Variants in PIP5K1B observed in about 807,000 individuals in gnomAD.
PIP5K1B encodes phosphatidylinositol 4-phosphate 5-kinase type-1 beta.
In PIP5K1B, 42 loss-of-function variants were observed where a neutral mutation model predicts 67.0. That is an observed-to-expected ratio of 0.63 (90% confidence interval 0.49 to 0.81). PIP5K1B has a LOEUF of 0.81. Among genes scored for constraint, PIP5K1B ranks in the 30% least tolerant of loss-of-function variants. The probability of loss-of-function intolerance (pLI) is 0.00; values close to 1 mark genes in which losing one functional copy is unlikely to be tolerated. For missense variants in PIP5K1B, 459 were observed against 646.3 expected (o/e 0.71, Z 3.14); for synonymous variants, 214 against 231.4 (o/e 0.92, Z 0.68).
chr9:68,815,629 C>T (rs950594843), intron 2 of PIP5K1B, among the ~76,000 whole-genome samples: 3 of 151,666 alleles, frequency 2.0e-5, no homozygotes, highest in African/African-American at 4.8e-5. Context: ...TTATAAATCC[C>T]GAGAGGAGTT....
At chr9:68,949,082 G>T (rs1470266220) in intron 14 of PIP5K1B, among the ~76,000 whole-genome samples, 1 of 150,448 alleles carries the variant, frequency 6.6e-6, no homozygotes, top group African/African-American at 2.4e-5. Context: ...GCCAATTTTT[G>T]AATATTTTAA....
At chr9:68,856,616 C>T (rs1822792302) in intron 4 of PIP5K1B, among the ~76,000 whole-genome samples, 1 of 152,176 alleles carries the variant, frequency 6.6e-6, no homozygotes, top group South Asian at 2.1e-4. Flanking sequence ...CTCTTTCCCC[C>T]ACTAGACTAG....
chr9:68,925,028 A>C (rs576724297), intron 12 of PIP5K1B, among the ~76,000 whole-genome samples: 1 of 152,280 alleles, frequency 6.6e-6, no homozygotes, highest in East Asian at 1.9e-4. Flanking sequence ...TATAACATGA[A>C]TAGTTTATAA....
At chr9:68,945,442 AGCCAATGG>A (rs1316891477) in intron 14 of PIP5K1B, among the ~76,000 whole-genome samples, 1 of 152,198 alleles carries the variant, frequency 6.6e-6, no homozygotes, top group African/African-American at 2.4e-5. Flanking sequence ...CACCGCACCC[AGCCAATGG>A]GCTTACGTTA....
chr9:68,962,864 T>G (rs1828824471), intron 14 of PIP5K1B, among the ~76,000 whole-genome samples: 1 of 152,200 alleles, frequency 6.6e-6, no homozygotes, highest in Admixed American at 6.5e-5. Flanking sequence ...AATTCTAAAT[T>G]GTCTCCTTCT....
intron 6 of PIP5K1B, among the ~76,000 whole-genome samples, chr9:68,881,887 A>G (rs1482017837): frequency 6.6e-6 from 1 of 152,226 alleles, no homozygotes; most frequent in Non-Finnish European, 1.5e-5. Context: ...AGTAGAACTT[A>G]TATGAGTCTT....
chr9:68,777,396 T>C (rs182544287), intron 2 of PIP5K1B, among the ~76,000 whole-genome samples: 1 of 152,326 alleles, frequency 6.6e-6, no homozygotes, highest in East Asian at 1.9e-4. Context: ...TATACATATA[T>C]GTCATGTGGT....
At chr9:68,989,172 C>T (rs73443580) in intron 14 of PIP5K1B, among the ~76,000 whole-genome samples, 5,066 of 145,670 alleles carry the variant, frequency 0.035, 291 homozygotes, top group African/African-American at 0.12. Context: ...AAGGTCAGGG[C>T]TTTTAATATT....
intron 14 of PIP5K1B, among the ~76,000 whole-genome samples, chr9:68,982,507 A>G (rs938830708): frequency 6.6e-6 from 1 of 152,224 alleles, no homozygotes; most frequent in Non-Finnish European, 1.5e-5. Context: ...CTGTAATCCC[A>G]GCACTCTGGG....
At chr9:68,904,589 C>A (rs745509495) in intron 8 of PIP5K1B, among the ~76,000 whole-genome samples, 1 of 152,146 alleles carries the variant, frequency 6.6e-6, no homozygotes. Flanking sequence ...AAGTTAAAAG[C>A]GAGGCTTCCT....
intron 8 of PIP5K1B, among the ~76,000 whole-genome samples, chr9:68,914,818 C>T (rs966808301): frequency 3.3e-5 from 5 of 152,082 alleles, no homozygotes; most frequent in Non-Finnish European, 7.4e-5. Flanking sequence ...ATCCACAAAC[C>T]CAGAGCTTCT....
At chr9:68,756,073 G>C (rs181107475) in intron 2 of PIP5K1B, among the ~76,000 whole-genome samples, 1 of 152,100 alleles carries the variant, frequency 6.6e-6, no homozygotes, top group Non-Finnish European at 1.5e-5. Context: ...ACAAAGAATC[G>C]TGTGGAGAAG....
chr9:68,762,295 A>AT (rs11455999), intron 2 of PIP5K1B, among the ~76,000 whole-genome samples: 151,388 of 152,174 alleles, frequency 0.99, 75,306 homozygotes, highest in Middle Eastern at 1. Flanking sequence ...TCATTGTGCA[A>AT]TTTTTTCTCC....
chr9:68,723,706 T>TG (rs1413753785), intron 1 of PIP5K1B, among the ~76,000 whole-genome samples: 1 of 148,456 alleles, frequency 6.7e-6, no homozygotes, highest in Non-Finnish European at 1.5e-5. Flanking sequence ...TTTTTTTTTT[T>TG]TTTTTTTTTT....
chr9:68,956,782 A>T (rs1828419473), intron 14 of PIP5K1B, among the ~76,000 whole-genome samples: 1 of 152,180 alleles, frequency 6.6e-6, no homozygotes, highest in South Asian at 2.1e-4. Context: ...TTCAACGTGT[A>T]TGGTGAGGCC....
intron 2 of PIP5K1B, chr9:68,779,955 C>T (rs1831141438): frequency 1.8e-6 from 1 of 571,398 alleles, no homozygotes; most frequent in Non-Finnish European, 2.8e-6. Flanking sequence ...CCTCGCCCCT[C>T]CCCTACCACT....
chr9:68,823,269 T>C (rs1191461377), intron 4 of PIP5K1B, among the ~76,000 whole-genome samples: 2 of 152,154 alleles, frequency 1.3e-5, no homozygotes, highest in African/African-American at 2.4e-5. Context: ...ATGGGAATCT[T>C]TGGGGGTCAA....
At chr9:68,779,938 G>T in intron 2 of PIP5K1B, 2 of 493,338 alleles carry the variant, frequency 4.1e-6, no homozygotes, top group South Asian at 1.1e-4. Context: ...CTAGCGGCCC[G>T]ACCACTCCTC....
intron 4 of PIP5K1B, among the ~76,000 whole-genome samples, chr9:68,857,537 A>T (rs190694257): frequency 3.0e-4 from 45 of 152,252 alleles, no homozygotes; most frequent in African/African-American, 1.1e-3. Context: ...CACGGAGAGG[A>T]GGGAGAACCT....
Sources: allele counts gnomAD v4.1 joint callset (sites outside exome capture counted in the v4.1 genomes callset), GRCh38; gene constraint gnomAD v4.1.1; transcripts MANE v1.5; gene names NCBI Gene and HGNC (gene_info 2026-07-23, HGNC 2026-07-21).